Variants in KIRREL3 observed in about 807,000 individuals in gnomAD.
KIRREL3 encodes kin of IRRE-like protein 3.
In KIRREL3, 36 loss-of-function variants were observed where a neutral mutation model predicts 89.7. The observed-to-expected ratio is 0.40, with a 90% CI of 0.31 to 0.53. The LOEUF (loss-of-function observed/expected upper bound fraction) is 0.53. Among genes scored for constraint, KIRREL3 ranks in the 20% least tolerant of loss-of-function variants. The pLI is 0.49. For synonymous variants in KIRREL3, 445 were observed against 441.4 expected, an observed-to-expected ratio of 1.01 and a Z score of -0.10; for missense variants, 864 against 1,056.6, an observed-to-expected ratio of 0.82 and a Z score of 2.53.
intron 1 of KIRREL3, among the ~76,000 whole-genome samples, chr11:126,582,154 C>A (rs1351584668): frequency 6.6e-6 from 1 of 152,202 alleles, no homozygotes; most frequent in Non-Finnish European, 1.5e-5. Context: ...TGATACTGAG[C>A]CAATCGTGGA....
chr11:126,838,663 GATGTAT>G (rs1420974124), intron 1 of KIRREL3, among the ~76,000 whole-genome samples: 1 of 152,152 alleles, frequency 6.6e-6, no homozygotes, highest in East Asian at 1.9e-4. Context: ...TTTGCATATA[GATGTAT>G]ATGTATTTTT....
At chr11:126,922,475 C>T (rs1203742062) in intron 1 of KIRREL3, among the ~76,000 whole-genome samples, 2 of 152,086 alleles carry the variant, frequency 1.3e-5, no homozygotes, top group African/African-American at 4.8e-5. Flanking sequence ...CATCGTGTGC[C>T]TGATCTGTGC....
rs1054667873 is a variant in KIRREL3 at position 126,744,099 on chromosome 11, G to C, written c.56-181187C>G. The stretch of plus-strand genomic sequence containing the variant: ...TTCCAGAAAGTTGGGACTAGCCAAG[G>C]GGCAGAGGGCCCAGGAAGGTGGAGC... On this transcript the variant is annotated intron_variant, in intron 1 of 16. Coordinates refer to ENST00000525144, the MANE Select transcript of KIRREL3 (RefSeq NM_032531.4). This position sits in a 1 kb window ranked among gnomAD's most constrained non-coding sequence, Gnocchi z 4.7. 6.6e-6 allele frequency among the ~76,000 whole-genome samples: 1 copy of C among 152,194 alleles called. No individual in the cohort carries two copies. The highest frequency in any genetic ancestry group is 1.5e-5 in the Non-Finnish European group (1 of 68,046).
chr11:126,844,854 G>T lies in KIRREL3; in HGVS notation c.55+155601C>A, dbSNP rs886803819. Among the ~76,000 whole-genome samples the T allele has an allele frequency of 1.3e-5, 2 of 152,164 alleles. No homozygotes were observed. Among genetic ancestry groups the T allele is most frequent in the African/African-American group, 4.8e-5 (2 of 41,434 alleles). On this transcript the variant is annotated intron_variant, in intron 1 of 16. Coordinates refer to ENST00000525144, the MANE Select transcript of KIRREL3 (RefSeq NM_032531.4). The surrounding 1 kb of genome is among the most constrained non-coding windows in gnomAD (Gnocchi z 4.8). ...AAAAAGGGAAACTTGAGAGCCAACA[G>T]GTCTGCTGGAAGAGATCCTTTTGCT...
At chr11:126,633,528 TG>T (rs777947702) in intron 1 of KIRREL3, among the ~76,000 whole-genome samples, 46 of 152,236 alleles carry the variant, frequency 3.0e-4, no homozygotes, top group South Asian at 6.2e-4. Context: ...GAAAAGAGCC[TG>T]GCACCTCCCC....
At chr11:126,720,815 G>A (rs1264506248) in intron 1 of KIRREL3, among the ~76,000 whole-genome samples, 1 of 152,178 alleles carries the variant, frequency 6.6e-6, no homozygotes, top group African/African-American at 2.4e-5. Context: ...GCATTGAAGA[G>A]GAAGCCTGGG....
In KIRREL3 at chr11:126,694,949, T is replaced by C. The variant is rs1947028502; in HGVS notation, c.56-132037A>G. Among the ~76,000 whole-genome samples, 1 of 152,188 alleles carries C rather than the reference T, an allele frequency of 6.6e-6. No homozygotes were observed. The highest frequency in any genetic ancestry group is 6.5e-5 in the Admixed American group (1 of 15,286). On this transcript the variant is annotated intron_variant, in intron 1 of 16. Coordinates refer to ENST00000525144, the MANE Select transcript of KIRREL3 (RefSeq NM_032531.4). This position sits in a 1 kb window ranked among gnomAD's most constrained non-coding sequence, Gnocchi z 4.4. ...TCACTCCTTTGCTTTGATTGGGAGA[T>C]GAGATGCGAGTCTCAATGCCTAGAA...
rs1310481340 is a variant in KIRREL3 at position 126,704,683 on chromosome 11, T to C, written c.56-141771A>G. Among the ~76,000 whole-genome samples the C allele has an allele frequency of 6.6e-6, 1 of 152,220 alleles. No homozygotes were observed. The highest frequency in any genetic ancestry group is 1.5e-5 in the Non-Finnish European group (1 of 68,034). On this transcript the variant is annotated intron_variant, in intron 1 of 16. Transcript: ENST00000525144. The surrounding 1 kb of genome is among the most constrained non-coding windows in gnomAD (Gnocchi z 4.2). ...GTGGCTAAGTGAGGAAGTCTGAGTC[T>C]CTCCTGATGCCCACGCTTCCAGGAT...
chr11:126,974,166 C>T (rs565922025), intron 1 of KIRREL3, among the ~76,000 whole-genome samples: 2 of 152,278 alleles, frequency 1.3e-5, no homozygotes, highest in African/African-American at 4.8e-5. Flanking sequence ...ATGCAACATG[C>T]TTCCACAGAC....
At position 126,948,919 on chromosome 11, in the gene KIRREL3, G is replaced by A. The variant is rs1253913551; in HGVS notation, c.55+51536C>T. Among the ~76,000 whole-genome samples, 2 of 152,186 alleles carry A rather than the reference G, an allele frequency of 1.3e-5. No individual in the cohort carries two copies. Among genetic ancestry groups the A allele is most frequent in the Non-Finnish European group, 2.9e-5 (2 of 68,032 alleles). The stretch of plus-strand genomic sequence containing the variant: ...CCCATATACATATACCATATAACAT[G>A]CTGGGCTAGGAGAAGAATGCCTGAA... On this transcript the variant is annotated intron_variant, in intron 1 of 16. Transcript: ENST00000525144. This position sits in a 1 kb window ranked among gnomAD's most constrained non-coding sequence, Gnocchi z 4.5.
At chr11:126,786,614 G>C (rs765644637) in intron 1 of KIRREL3, among the ~76,000 whole-genome samples, 2 of 152,178 alleles carry the variant, frequency 1.3e-5, no homozygotes, top group Non-Finnish European at 2.9e-5. Context: ...CCAGGATCAC[G>C]TCTGGGAAAC....
chr11:126,639,879 C>A lies in KIRREL3; in HGVS notation c.56-76967G>T, dbSNP rs1245884077. On this transcript the variant is annotated intron_variant, in intron 1 of 16. Coordinates refer to ENST00000525144, the MANE Select transcript of KIRREL3 (RefSeq NM_032531.4). The surrounding 1 kb of genome is among the most constrained non-coding windows in gnomAD (Gnocchi z 4.3). The stretch of plus-strand genomic sequence containing the variant: ...AGTTTGATTACGCTTCATGGCCATC[C>A]AATCCAATCTGGCTTGTAGAATAGA... Among the ~76,000 whole-genome samples, 1 of 152,154 alleles carries A rather than the reference C, an allele frequency of 6.6e-6. No homozygotes were observed. The highest frequency in any genetic ancestry group is 1.5e-5 in the Non-Finnish European group (1 of 68,034).
Position 126,870,287 on chromosome 11 carries a change from T to G in KIRREL3, c.55+130168A>C, listed in dbSNP as rs531861116. Among the ~76,000 whole-genome samples, 3 of 152,166 alleles carry G rather than the reference T, an allele frequency of 2.0e-5. No individual in the cohort carries two copies. The highest frequency in any genetic ancestry group is 4.8e-5 in the African/African-American group (2 of 41,450). ...CAAGATGCCAGGGCTGCCTGTGCCA[T>G]GTACTGCAAGACAGCTGGGATTGTC... On this transcript the variant is annotated intron_variant, in intron 1 of 16. Transcript: ENST00000525144. This position sits in a 1 kb window ranked among gnomAD's most constrained non-coding sequence, Gnocchi z 4.4.
At chr11:126,735,361 C>T (rs1435823766) in intron 1 of KIRREL3, among the ~76,000 whole-genome samples, 1 of 152,172 alleles carries the variant, frequency 6.6e-6, no homozygotes, top group Non-Finnish European at 1.5e-5. Context: ...GATCCTAGAA[C>T]AACAGAGACC....
intron 4 of KIRREL3, among the ~76,000 whole-genome samples, chr11:126,517,136 AAG>A (rs199586143): frequency 0.21 from 29,120 of 140,614 alleles, 4,122 homozygotes; most frequent in East Asian, 0.73. Context: ...GAGAGAGAGA[AAG>A]AGAGAGAGAG....
Position 126,898,536 on chromosome 11 carries a change from C to T in KIRREL3, c.55+101919G>A, listed in dbSNP as rs756528781. Among the ~76,000 whole-genome samples, 2 of 152,116 alleles carry T rather than the reference C, an allele frequency of 1.3e-5. No homozygotes were observed. The highest frequency in any genetic ancestry group is 6.6e-5 in the Admixed American group (1 of 15,266). ...TTAGAAACAATGAAGTGGGCAGATA[C>T]CTAACAATACGAACAATTCCTAAAA... On this transcript the variant is annotated intron_variant, in intron 1 of 16. Transcript: ENST00000525144. The surrounding 1 kb of genome is among the most constrained non-coding windows in gnomAD (Gnocchi z 4.9).
rs1053186446 is a variant in KIRREL3 at position 126,997,821 on chromosome 11, G to A, written c.55+2634C>T. Among the ~76,000 whole-genome samples the A allele has an allele frequency of 2.0e-5, 3 of 152,200 alleles. No individual in the cohort carries two copies. The highest frequency in any genetic ancestry group is 4.4e-5 in the Non-Finnish European group (3 of 68,028). On this transcript the variant is annotated intron_variant, in intron 1 of 16. Transcript: ENST00000525144. This position sits in a 1 kb window ranked among gnomAD's most constrained non-coding sequence, Gnocchi z 4.3. ...GCCATGCAGATTCCCACTGTGAGATGTGTTGGACAGCAGATGGCCATGTCA... is the reference window on the plus strand; with the variant it reads ...GCCATGCAGATTCCCACTGTGAGATATGTTGGACAGCAGATGGCCATGTCA...
Position 126,985,121 on chromosome 11 carries a change from C to T in KIRREL3, c.55+15334G>A, listed in dbSNP as rs181764678. On this transcript the variant is annotated intron_variant, in intron 1 of 16. Transcript: ENST00000525144. This position sits in a 1 kb window ranked among gnomAD's most constrained non-coding sequence, Gnocchi z 5.3. ...TATCACCTTTTCCCCAAGGAGGACT[C>T]GGTGCTCATAGGTACTCGAGTTGTA... is the stretch of plus-strand genomic sequence containing the variant. 2.0e-5 allele frequency among the ~76,000 whole-genome samples: 3 copies of T among 152,220 alleles called. No individual in the cohort carries two copies. Among genetic ancestry groups the T allele is most frequent in the Admixed American group, 6.5e-5 (1 of 15,298 alleles).
chr11:126,989,671 C>T lies in KIRREL3; in HGVS notation c.55+10784G>A, dbSNP rs1288309299. On this transcript the variant is annotated intron_variant, in intron 1 of 16. Transcript: ENST00000525144. This position sits in a 1 kb window ranked among gnomAD's most constrained non-coding sequence, Gnocchi z 6.2. The stretch of plus-strand genomic sequence containing the variant: ...ATCAAGTGGCAAAAAAGGTGAGCCG[C>T]CATCCCCTTGGAGGTAAAGAAAGGC... 6.6e-6 allele frequency among the ~76,000 whole-genome samples: 1 copy of T among 152,168 alleles called. No homozygotes were observed. Among genetic ancestry groups the T allele is most frequent in the Non-Finnish European group, 1.5e-5 (1 of 68,030 alleles).
Sources: allele counts gnomAD v4.1 joint callset (sites outside exome capture counted in the v4.1 genomes callset), GRCh38; gene constraint gnomAD v4.1.1; non-coding constraint Gnocchi (gnomAD v3.1); transcripts MANE v1.5; gene names NCBI Gene and HGNC (gene_info 2026-07-23, HGNC 2026-07-21).